The following NAA30 variants were observed in gnomAD, a reference collection of about 807,000 sequenced individuals.
NAA30 encodes N-alpha-acetyltransferase 30, NatC catalytic subunit.
Under a neutral mutation model 31.4 loss-of-function variants are expected in NAA30, and 5 were observed. That is an observed-to-expected ratio of 0.16 (90% CI 0.08 to 0.33). NAA30 has a LOEUF of 0.33. NAA30 is among the 10% of genes least tolerant of loss of function. The pLI is 1.00. For missense variants in NAA30, 428 were observed against 490.8 expected, an observed-to-expected ratio of 0.87 and a Z score of 1.21; for synonymous variants, 222 against 207.1, an observed-to-expected ratio of 1.07 and a Z score of -0.62.
At chr14:57,398,531 C>T (rs1191755331) in intron 3 of NAA30, among the ~76,000 whole-genome samples, 1 of 152,176 alleles carries the variant, frequency 6.6e-6, no homozygotes, top group African/African-American at 2.4e-5. Context: ...GATCCCGGCT[C>T]ACTGCAACCT....
intron 4 of NAA30, among the ~76,000 whole-genome samples, chr14:57,406,583 A>G (rs1378751542): frequency 3.9e-5 from 6 of 152,258 alleles, no homozygotes; most frequent in Non-Finnish European, 8.8e-5. Context: ...TAATACATAT[A>G]GAATGCTTTA....
intron 1 of NAA30, 81 bp from the exon 2 acceptor site, chr14:57,390,876 G>A (rs1210544872): frequency 1.4e-6 from 2 of 1,400,752 alleles, no homozygotes; most frequent in African/African-American, 1.5e-5. Context: ...CACCTCGGCC[G>A]CCCCCCATCC....
chr14:57,400,957 C>T (rs1410164371), intron 4 of NAA30, among the ~76,000 whole-genome samples: 1 of 151,408 alleles, frequency 6.6e-6, no homozygotes, highest in East Asian at 1.9e-4. Context: ...GAGACCACTC[C>T]AGCTCCTGGC....
intron 4 of NAA30, among the ~76,000 whole-genome samples, chr14:57,406,158 C>G (rs1044862804): frequency 6.6e-6 from 1 of 152,122 alleles, no homozygotes; most frequent in Non-Finnish European, 1.5e-5. Flanking sequence ...CCAGGAGAAT[C>G]TTTACATTTT....
Position 57,401,691 on chromosome 14 carries a change from C to G in NAA30, c.951+1808C>G, listed in dbSNP as rs79143555. Among the ~76,000 whole-genome samples the G allele has an allele frequency of 5.5e-3, 835 of 152,278 alleles. 9 individuals carry two copies. The highest frequency in any genetic ancestry group is 0.036 in the East Asian group (184 of 5,178). On this transcript the variant is annotated intron_variant, in intron 4 of 4. Coordinates refer to ENST00000556492, the MANE Select transcript of NAA30 (RefSeq NM_001011713.3). Reference sequence around the variant, plus strand: ...AGTATTATGTTCCCTATGATTAAACCTTTTCTGAGTTATCCTACTTGCTAT... The same window carrying G: ...AGTATTATGTTCCCTATGATTAAACGTTTTCTGAGTTATCCTACTTGCTAT...
chr14:57,392,995 G>C (rs970385237), intron 2 of NAA30, among the ~76,000 whole-genome samples: 2 of 152,146 alleles, frequency 1.3e-5, no homozygotes, highest in Non-Finnish European at 2.9e-5. Context: ...TATCAGAATA[G>C]TTCTAAGACA....
In NAA30 at chr14:57,413,400, A is replaced by G. The variant is rs1380996192; in HGVS notation, c.*3884A>G. On this transcript the variant is annotated 3_prime_UTR_variant, in exon 5 of 5. Coordinates refer to ENST00000556492, the MANE Select transcript of NAA30 (RefSeq NM_001011713.3). ...TTATGTGGAACTCGAAATACTTCAT[A>G]AATTCACTCTAAGGTCTAAATAAGA... The G allele has an allele frequency of 6.6e-6, 1 of 152,234 alleles. No individual in the cohort carries two copies. The highest frequency in any genetic ancestry group is 2.4e-5 in the African/African-American group (1 of 41,466). 9.4% of individuals were successfully genotyped at this position (152,234 alleles called of 1,614,324 possible).
chr14:57,393,455 A>C (rs1030703537), intron 2 of NAA30, among the ~76,000 whole-genome samples: 76 of 152,282 alleles, frequency 5.0e-4, no homozygotes, highest in African/African-American at 1.7e-3. Flanking sequence ...AACAATAATA[A>C]AACAGTAAAA....
At position 57,415,543 on chromosome 14, in the gene NAA30, C is replaced by A. The variant is rs186698721; in HGVS notation, c.*6027C>A. The A allele has an allele frequency of 6.6e-6, 1 of 152,002 alleles. No homozygotes were observed. The highest frequency in any genetic ancestry group is 1.5e-5 in the Non-Finnish European group (1 of 67,998). 9.4% of individuals were successfully genotyped at this position (152,002 alleles called of 1,614,324 possible). A position where few individuals can be genotyped will look rare whatever the true frequency, so the allele number is the denominator to read the frequency against. ...AAAAATGCGTGTATTTTTAGGAATG[C>A]GCTATTTCCAGTAAGGGAAGTATTG... On this transcript the variant is annotated 3_prime_UTR_variant, in exon 5 of 5. Transcript: ENST00000556492.
chr14:57,409,652 C>T lies in NAA30; in HGVS notation c.*136C>T. 6 of 764,048 alleles carry T rather than the reference C, an allele frequency of 7.9e-6. No individual in the cohort carries two copies. Among genetic ancestry groups the T allele is most frequent in the South Asian group, 3.4e-5 (1 of 29,656 alleles). The allele number at this position is 764,048 out of a possible 1,614,324, so 47.3% of individuals were successfully genotyped here. ...TACCTGTCAGTGTCTCATTGAGTGTCGCACAATATTTGTTGCACTTTGGCA... is the reference window on the plus strand; with the variant it reads ...TACCTGTCAGTGTCTCATTGAGTGTTGCACAATATTTGTTGCACTTTGGCA... On this transcript the variant is annotated 3_prime_UTR_variant, in exon 5 of 5. Transcript: ENST00000556492.
intron 4 of NAA30, 39 bp downstream of exon 4, chr14:57,399,922 A>T (rs745924565): frequency 2.1e-6 from 2 of 951,432 alleles, no homozygotes; most frequent in African/African-American, 3.2e-5. Context: ...TTATCTGGGC[A>T]TTATTCTTTC....
Position 57,411,128 on chromosome 14 carries a change from C to G in NAA30, c.*1612C>G, listed in dbSNP as rs1480126532. 1 of 149,670 alleles carries G rather than the reference C, an allele frequency of 6.7e-6. No homozygotes were observed. 9.3% of individuals were successfully genotyped at this position (149,670 alleles called of 1,614,324 possible). ...AGTGTTTTGAAAGTGAACATAGTAA[C>G]AAATACTTTAAAAATAAAGATACAC... is the stretch of plus-strand genomic sequence containing the variant. On this transcript the variant is annotated 3_prime_UTR_variant, in exon 5 of 5. Coordinates refer to ENST00000556492, the MANE Select transcript of NAA30 (RefSeq NM_001011713.3).
rs1287277129 is a variant in NAA30 at position 57,410,444 on chromosome 14, A to T, written c.*928A>T. ...AAGAATAGAAAATTAGTGTAAGTTG[A>T]TATGATTTTATTTAATCAAAATTAC... On this transcript the variant is annotated 3_prime_UTR_variant, in exon 5 of 5. Coordinates refer to ENST00000556492, the MANE Select transcript of NAA30 (RefSeq NM_001011713.3). 6.6e-6 allele frequency: 1 copy of T among 152,586 alleles called. No individual in the cohort carries two copies. The highest frequency in any genetic ancestry group is 6.6e-5 in the Admixed American group (1 of 15,260). The allele number at this position is 152,586 out of a possible 1,614,324, so 9.5% of individuals were successfully genotyped here. A position where few individuals can be genotyped will look rare whatever the true frequency, so the allele number is the denominator to read the frequency against.
chr14:57,391,805 T>C lies in NAA30; in HGVS notation c.771+77T>C, dbSNP rs986728071. The C allele has an allele frequency of 4.3e-6, 5 of 1,157,670 alleles. No individual in the cohort carries two copies. In the South Asian group the frequency reaches 7.3e-5, roughly 17 times the overall value. The allele number at this position is 1,157,670 out of a possible 1,614,324, so 71.7% of individuals were successfully genotyped here. ...CGGGGCAGGGAGTGAGGGCCCAGAA[T>C]GTGGCAGTGGATATCTCCTGCTGCG... On this transcript the variant is annotated intron_variant, in intron 2 of 4. Transcript: ENST00000556492. This position sits in a 1 kb window ranked among gnomAD's most constrained non-coding sequence, Gnocchi z 4.1.
intron 3 of NAA30, among the ~76,000 whole-genome samples, 195 bp downstream of exon 3, chr14:57,397,070 TTTTG>T (rs1339598380): frequency 1.3e-5 from 2 of 152,196 alleles, no homozygotes; most frequent in Admixed American, 6.5e-5. Context: ...TTTATTAATG[TTTTG>T]TTTGACAGTT....
At chr14:57,407,847 G>A (rs1263596244) in intron 4 of NAA30, among the ~76,000 whole-genome samples, 1 of 152,148 alleles carries the variant, frequency 6.6e-6, no homozygotes, top group Non-Finnish European at 1.5e-5. Context: ...GTTGATGGCA[G>A]CTTGGACTGT....
chr14:57,392,865 A>T (rs967344700), intron 2 of NAA30, among the ~76,000 whole-genome samples: 2 of 152,184 alleles, frequency 1.3e-5, no homozygotes, highest in African/African-American at 4.8e-5. Context: ...TGGGTATTGT[A>T]GATAATGGTA....
intron 2 of NAA30, among the ~76,000 whole-genome samples, chr14:57,394,107 A>T (rs997217212): frequency 4.8e-4 from 44 of 91,460 alleles, no homozygotes; most frequent in Non-Finnish European, 1.1e-3. Flanking sequence ...ATTGTAAAAG[A>T]TGTAAAAAAA....
At chr14:57,400,996 C>G (rs2066474204) in intron 4 of NAA30, among the ~76,000 whole-genome samples, 1 of 151,850 alleles carries the variant, frequency 6.6e-6, no homozygotes, top group Admixed American at 6.6e-5. Flanking sequence ...CTCAGCCTCT[C>G]AAGTGTTGTG....
Sources: allele counts gnomAD v4.1 joint callset (sites outside exome capture counted in the v4.1 genomes callset), GRCh38; gene constraint gnomAD v4.1.1; non-coding constraint Gnocchi (gnomAD v3.1); transcripts MANE v1.5; gene names NCBI Gene and HGNC (gene_info 2026-07-23, HGNC 2026-07-21).